PDE10A: variants seen among roughly 807,000 people sequenced by gnomAD.
PDE10A encodes the protein cAMP and cAMP-inhibited cGMP 3',5'-cyclic phosphodiesterase 10A.
A neutral mutation model predicts 97.7 loss-of-function variants in PDE10A; 39 were observed. The observed-to-expected ratio is 0.40, with a 90% CI of 0.31 to 0.52. PDE10A has a LOEUF of 0.52. Ranked by LOEUF, PDE10A falls within the 20% of genes least tolerant of loss-of-function variation. The pLI is 0.56. For missense variants in PDE10A, 731 were observed against 1,047.8 expected, an observed-to-expected ratio of 0.70 and a Z score of 4.17; for synonymous variants, 371 against 376.8, an observed-to-expected ratio of 0.98 and a Z score of 0.18.
chr6:165,380,078 C>T (rs921612633), intron 17 of PDE10A, among the ~76,000 whole-genome samples: 2 of 152,068 alleles, frequency 1.3e-5, no homozygotes, highest in East Asian at 3.9e-4. Context: ...GAATATCCTT[C>T]GTGTATTAAT....
intron 3 of PDE10A, among the ~76,000 whole-genome samples, chr6:165,458,359 GA>G (rs1489278009): frequency 5.3e-5 from 8 of 152,056 alleles, no homozygotes; most frequent in African/African-American, 1.9e-4. Flanking sequence ...CAGGAGAATA[GA>G]GCCCTCATGA....
intron 18 of PDE10A, among the ~76,000 whole-genome samples, chr6:165,345,523 C>G (rs1204204188): frequency 6.6e-6 from 1 of 152,156 alleles, no homozygotes. Context: ...GAATGTAGAA[C>G]TGACTGCTAA....
At chr6:165,794,664 CAAT>C (rs1325718680) in intron 1 of PDE10A, among the ~76,000 whole-genome samples, 4 of 152,150 alleles carry the variant, frequency 2.6e-5, no homozygotes, top group South Asian at 2.1e-4. Flanking sequence ...TTCACACACT[CAAT>C]AACTCACACA....
chr6:165,841,933 C>T (rs923076677), intron 1 of PDE10A, among the ~76,000 whole-genome samples: 1 of 152,136 alleles, frequency 6.6e-6, no homozygotes, highest in Non-Finnish European at 1.5e-5. Flanking sequence ...TTTGCTCAAC[C>T]TGAACTGCTA....
intron 1 of PDE10A, among the ~76,000 whole-genome samples, chr6:165,984,176 T>C (rs1395932350): frequency 6.6e-6 from 1 of 152,230 alleles, no homozygotes; most frequent in Admixed American, 6.5e-5. Context: ...AAAAAAACTG[T>C]ACAACAAATC....
chr6:165,908,540 A>G (rs1193885133), intron 1 of PDE10A, among the ~76,000 whole-genome samples: 2 of 152,236 alleles, frequency 1.3e-5, no homozygotes, highest in African/African-American at 4.8e-5. Context: ...CACGGGGGCC[A>G]GGAACCTTGA....
At chr6:165,349,600 C>T (rs1028283323) in intron 18 of PDE10A, among the ~76,000 whole-genome samples, 1 of 152,148 alleles carries the variant, frequency 6.6e-6, no homozygotes, top group Non-Finnish European at 1.5e-5. Flanking sequence ...GCTTAAGTAA[C>T]AAAGAACTGA....
At chr6:165,422,487 C>A (rs3799173) in intron 10 of PDE10A, among the ~76,000 whole-genome samples, 7,695 of 127,372 alleles carry the variant, frequency 0.06, 1,082 homozygotes, top group African/African-American at 0.17. Flanking sequence ...GCATACACAC[C>A]TATGCATACG....
intron 1 of PDE10A, among the ~76,000 whole-genome samples, chr6:165,930,776 T>G (rs1430942625): frequency 6.6e-6 from 1 of 152,212 alleles, no homozygotes; most frequent in African/African-American, 2.4e-5. Flanking sequence ...TAATTGCCCA[T>G]GTTAACGAGG....
intron 1 of PDE10A, among the ~76,000 whole-genome samples, chr6:165,797,174 A>G (rs781754370): frequency 6.6e-6 from 1 of 152,142 alleles, no homozygotes; most frequent in Non-Finnish European, 1.5e-5. Flanking sequence ...GACACTCCAC[A>G]GTGTTTCTGT....
intron 1 of PDE10A, among the ~76,000 whole-genome samples, chr6:165,613,909 G>A (rs1330469992): frequency 1.3e-5 from 2 of 151,826 alleles, no homozygotes; most frequent in Non-Finnish European, 2.9e-5. Flanking sequence ...TCTCCCTCCC[G>A]AAACCAGCCC....
At chr6:165,475,914 C>A (rs1241849060) in intron 3 of PDE10A, among the ~76,000 whole-genome samples, 1 of 152,122 alleles carries the variant, frequency 6.6e-6, no homozygotes, top group Non-Finnish European at 1.5e-5. Flanking sequence ...TGATCAACTC[C>A]CCCTGTGAGA....
In PDE10A at chr6:165,599,301, C is replaced by T. The variant is rs532633218; in HGVS notation, c.866-55733G>A. Among the ~76,000 whole-genome samples the T allele has an allele frequency of 7.2e-4, 110 of 152,296 alleles. No individual in the cohort carries two copies. In the South Asian group the frequency reaches 0.022, roughly 31 times the overall value. ...CTTCACCTTTATAAGGCAAACAAACCTTTATGCACAGTCCTTGCTCAATTC... is the reference window on the plus strand; with the variant it reads ...CTTCACCTTTATAAGGCAAACAAACTTTTATGCACAGTCCTTGCTCAATTC... On this transcript the variant is annotated intron_variant, in intron 1 of 21. Coordinates refer to ENST00000539869, the MANE Select transcript of PDE10A (RefSeq NM_001385079.1).
intron 2 of PDE10A, among the ~76,000 whole-genome samples, chr6:165,539,213 A>G (rs1783276251): frequency 6.6e-6 from 1 of 152,210 alleles, no homozygotes; most frequent in Non-Finnish European, 1.5e-5. Flanking sequence ...ATCAACTTTT[A>G]AAAAGCAATT....
chr6:165,502,970 TAAACTTGATCAGATTTATTG>T, intron 2 of PDE10A, among the ~76,000 whole-genome samples: 1 of 152,278 alleles, frequency 6.6e-6, no homozygotes, highest in South Asian at 2.1e-4. Context: ...ACTATATAGT[TAAACTTGATCAGATTTATTG>T]TATGTAAATT....
At position 165,330,026 on chromosome 6, in the gene PDE10A, C is replaced by G. The variant is rs1781252472; in HGVS notation, c.*2999G>C. On this transcript the variant is annotated 3_prime_UTR_variant, in exon 22 of 22. Transcript: ENST00000539869. ...ATTCACATTGCCCGAATTCAATATT[C>G]CATGTTATTGGCAGGCATTTATGTT... 1 of 152,160 alleles carries G rather than the reference C, an allele frequency of 6.6e-6. No homozygotes were observed. The highest frequency in any genetic ancestry group is 1.5e-5 in the Non-Finnish European group (1 of 68,014). The allele number at this position is 152,160 out of a possible 1,614,324, so 9.4% of individuals were successfully genotyped here. A position where few individuals can be genotyped will look rare whatever the true frequency, so the allele number is the denominator to read the frequency against.
chr6:165,481,522 G>A (rs573678269), intron 3 of PDE10A, among the ~76,000 whole-genome samples: 1 of 152,064 alleles, frequency 6.6e-6, no homozygotes, highest in East Asian at 1.9e-4. Flanking sequence ...TTCAATTTAT[G>A]TCTTACAATA....
chr6:165,462,209 T>C (rs1778365338), intron 3 of PDE10A, among the ~76,000 whole-genome samples: 1 of 152,172 alleles, frequency 6.6e-6, no homozygotes, highest in Non-Finnish European at 1.5e-5. Context: ...GGACAAGTCA[T>C]AATGGAAAGA....
intron 2 of PDE10A, among the ~76,000 whole-genome samples, chr6:165,540,520 G>T (rs116974683): frequency 0.034 from 5,148 of 152,098 alleles, 121 homozygotes; most frequent in Non-Finnish European, 0.047. Context: ...TCTGTTCCTG[G>T]TTCCACTCAT....
Sources: allele counts gnomAD v4.1 joint callset (sites outside exome capture counted in the v4.1 genomes callset), GRCh38; gene constraint gnomAD v4.1.1; transcripts MANE v1.5; gene names NCBI Gene and HGNC (gene_info 2026-07-23, HGNC 2026-07-21).